IL1RAPL2: variants seen among roughly 807,000 people sequenced by gnomAD.
The protein encoded by IL1RAPL2 is X-linked interleukin-1 receptor accessory protein-like 2.
In IL1RAPL2, 3 loss-of-function variants were observed where a neutral mutation model predicts 44.1. That is an observed-to-expected ratio of 0.07 (90% CI 0.03 to 0.18). The LOEUF is 0.18. Among genes scored for constraint, IL1RAPL2 ranks in the 10% least tolerant of loss-of-function variants. IL1RAPL2 has a pLI of 1.00. For missense variants in IL1RAPL2, 391 were observed against 496.4 expected (o/e 0.79, Z 2.02); for synonymous variants, 181 against 178.8 (o/e 1.01, Z -0.10).
chrX:104,688,871 A>G (rs945681567), intron 2 of IL1RAPL2, among the ~76,000 whole-genome samples: 1 of 112,132 alleles, frequency 8.9e-6, no homozygotes, highest in African/African-American at 3.2e-5. Flanking sequence ...ATTCTTTAAA[A>G]CAGCTTTTTA....
intron 6 of IL1RAPL2, among the ~76,000 whole-genome samples, chrX:105,684,491 C>T (rs1189538510): frequency 2.7e-5 from 3 of 112,356 alleles, no homozygotes; most frequent in South Asian, 3.7e-4. Flanking sequence ...GGGCGTCTGC[C>T]GTTGCTGAGG....
chrX:105,710,308 G>T (rs2038197926), intron 6 of IL1RAPL2, among the ~76,000 whole-genome samples: 1 of 106,468 alleles, frequency 9.4e-6, no homozygotes, highest in Non-Finnish European at 1.9e-5. Context: ...AATTAGCTTT[G>T]GTAGCCACTG....
chrX:105,453,176 C>T (rs774798632), intron 5 of IL1RAPL2, among the ~76,000 whole-genome samples: 4 of 111,694 alleles, frequency 3.6e-5, no homozygotes, highest in Non-Finnish European at 5.7e-5. Flanking sequence ...TTTTGGTGAA[C>T]GTCCATCAAT....
intron 2 of IL1RAPL2, among the ~76,000 whole-genome samples, chrX:105,136,539 A>G (rs2033078404): frequency 8.9e-6 from 1 of 112,811 alleles, no homozygotes; most frequent in South Asian, 3.6e-4. Flanking sequence ...GTGCTCAAGT[A>G]TAGTGTTTGT....
intron 2 of IL1RAPL2, among the ~76,000 whole-genome samples, chrX:105,078,153 T>G (rs1476289431): frequency 9.0e-6 from 1 of 111,541 alleles, no homozygotes; most frequent in Non-Finnish European, 1.9e-5. Flanking sequence ...TTTTTCCCCA[T>G]CTTTGTGGCT....
At chrX:105,073,041 T>TA (rs2032231148) in intron 2 of IL1RAPL2, among the ~76,000 whole-genome samples, 1 of 105,743 alleles carries the variant, frequency 9.5e-6, no homozygotes, top group African/African-American at 3.5e-5. Context: ...TTTTCTTTTT[T>TA]TTTCTTTTTT....
chrX:104,791,965 G>T (rs1932828539), intron 2 of IL1RAPL2, among the ~76,000 whole-genome samples: 2 of 111,189 alleles, frequency 1.8e-5, no homozygotes, highest in African/African-American at 6.5e-5. Flanking sequence ...TTGGTCTGCT[G>T]TTGCTAGAAA....
intron 2 of IL1RAPL2, among the ~76,000 whole-genome samples, chrX:104,939,834 C>T (rs1925119721): frequency 9.0e-6 from 1 of 111,375 alleles, no homozygotes. Flanking sequence ...GTAAAAGAAG[C>T]CAGTAACCTA....
At chrX:104,905,773 A>G (rs1379271654) in intron 2 of IL1RAPL2, among the ~76,000 whole-genome samples, 2 of 111,096 alleles carry the variant, frequency 1.8e-5, no homozygotes, top group Non-Finnish European at 3.8e-5. Flanking sequence ...CTTAGGATTG[A>G]CTTGGCGATC....
chrX:105,618,765 G>A (rs1468852283), intron 6 of IL1RAPL2, among the ~76,000 whole-genome samples: 1 of 112,008 alleles, frequency 8.9e-6, no homozygotes, highest in Non-Finnish European at 1.9e-5. Context: ...TTCTGTAAGG[G>A]AATATCAGAG....
intron 2 of IL1RAPL2, among the ~76,000 whole-genome samples, chrX:104,686,514 T>C (rs5917122): frequency 0.37 from 40,516 of 110,836 alleles, 5,787 homozygotes; most frequent in Non-Finnish European, 0.45. Flanking sequence ...AGAAATTGTT[T>C]GTTTGCCCTG....
chrX:105,191,588 A>G (rs2033633434), intron 2 of IL1RAPL2, among the ~76,000 whole-genome samples: 1 of 112,218 alleles, frequency 8.9e-6, no homozygotes, highest in South Asian at 3.7e-4. Flanking sequence ...AATCTAAGTC[A>G]AGGGAGTAGT....
At chrX:104,978,392 T>G (rs1297683637) in intron 2 of IL1RAPL2, among the ~76,000 whole-genome samples, 1 of 111,647 alleles carries the variant, frequency 9.0e-6, no homozygotes, top group Non-Finnish European at 1.9e-5. Context: ...AGTATTAGTC[T>G]TCTTCAATGT....
chrX:104,746,533 T>C (rs1368736209), intron 2 of IL1RAPL2, among the ~76,000 whole-genome samples: 1 of 111,792 alleles, frequency 8.9e-6, no homozygotes, highest in Non-Finnish European at 1.9e-5. Flanking sequence ...AGAATAGTGA[T>C]CTGAGTGACA....
intron 2 of IL1RAPL2, among the ~76,000 whole-genome samples, chrX:105,073,885 GTTGT>G (rs2032247520): frequency 1.8e-5 from 2 of 111,491 alleles, no homozygotes; most frequent in South Asian, 3.8e-4. Context: ...TTTTGATGGG[GTTGT>G]TTGTTTTTTT....
chrX:104,674,153 G>T (rs1244393445), intron 2 of IL1RAPL2, among the ~76,000 whole-genome samples: 2 of 112,024 alleles, frequency 1.8e-5, no homozygotes, highest in Non-Finnish European at 3.8e-5. Flanking sequence ...GGAGTGTTGA[G>T]AGAGGGCATC....
chrX:105,261,542 C>T lies in IL1RAPL2; in HGVS notation c.544-5846C>T, dbSNP rs758508378. On this transcript the variant is annotated intron_variant, in intron 4 of 10. Transcript: ENST00000372582. ...TGAGTTGGTGTACCTTGTAATTTTT[C>T]GTTGAAACCCAGACATGATGTACTG... 8.1e-5 allele frequency among the ~76,000 whole-genome samples: 9 copies of T among 110,909 alleles called. No individual in the cohort carries two copies. The South Asian group carries it at 2.3e-3, about 28-fold the overall frequency.
At chrX:104,660,443 A>T (rs925001436) in intron 2 of IL1RAPL2, among the ~76,000 whole-genome samples, 1 of 108,852 alleles carries the variant, frequency 9.2e-6, no homozygotes, top group Non-Finnish European at 1.9e-5. Context: ...AGCTTAATTG[A>T]AGTAAAATCC....
chrX:104,866,676 G>A (rs773539842), intron 2 of IL1RAPL2, among the ~76,000 whole-genome samples: 12 of 111,570 alleles, frequency 1.1e-4, no homozygotes, highest in Non-Finnish European at 2.1e-4. Context: ...AGACCTTTAG[G>A]CATAGAGAGA....
Sources: gnomAD v4.1 joint callset for allele counts (sites outside exome capture counted in the v4.1 genomes callset) on GRCh38, gnomAD v4.1.1 for gene constraint, MANE v1.5 for transcripts, NCBI Gene and HGNC (gene_info 2026-07-23, HGNC 2026-07-21) for gene names.